MAPK10: variants seen among roughly 807,000 people sequenced by gnomAD.
MAPK10 encodes the protein mitogen-activated protein kinase 10, also known as JNK3 alpha protein kinase.
In MAPK10, 25 loss-of-function variants were observed where a neutral mutation model predicts 59.3. The observed-to-expected ratio is 0.42, with a 90% CI of 0.31 to 0.59. The LOEUF is 0.59. Among genes scored for constraint, MAPK10 ranks in the 20% least tolerant of loss-of-function variants. The pLI, the probability that MAPK10 is intolerant of heterozygous loss-of-function variation, is 0.15. For synonymous variants in MAPK10, 190 were observed against 200.5 expected, an observed-to-expected ratio of 0.95 and a Z score of 0.44; for missense variants, 351 against 568.9, an observed-to-expected ratio of 0.62 and a Z score of 3.90.
intron 2 of MAPK10, among the ~76,000 whole-genome samples, chr4:86,288,575 A>G (rs1037429522): frequency 6.6e-6 from 1 of 152,060 alleles, no homozygotes; most frequent in Admixed American, 6.6e-5. Flanking sequence ...TTGGGGAAAC[A>G]CCAGAGGTTC....
chr4:86,147,693 T>C (rs1243186383), intron 4 of MAPK10, among the ~76,000 whole-genome samples: 2 of 152,204 alleles, frequency 1.3e-5, no homozygotes, highest in Non-Finnish European at 2.9e-5. Flanking sequence ...CTTTTAAAAT[T>C]TGCCATATAT....
chr4:86,133,569 C>T (rs1580916908), intron 4 of MAPK10, among the ~76,000 whole-genome samples: 1 of 152,238 alleles, frequency 6.6e-6, no homozygotes, highest in African/African-American at 2.4e-5. Flanking sequence ...TAGAACTAAA[C>T]TACTTGACCT....
intron 1 of MAPK10, among the ~76,000 whole-genome samples, chr4:86,461,147 T>C (rs1463531098): frequency 6.6e-6 from 1 of 150,426 alleles, no homozygotes; most frequent in Non-Finnish European, 1.5e-5. Context: ...TTTTGAAATA[T>C]TTAAAGAGGT....
intron 3 of MAPK10, among the ~76,000 whole-genome samples, chr4:86,188,859 C>T (rs948157654): frequency 2.6e-5 from 4 of 151,460 alleles, no homozygotes; most frequent in Non-Finnish European, 4.4e-5. Context: ...TTTTCTTCCA[C>T]GGTTTTTACG....
intron 1 of MAPK10, among the ~76,000 whole-genome samples, chr4:86,356,043 TCACACACACACACACA>T: frequency 6.7e-6 from 1 of 149,220 alleles, no homozygotes; most frequent in African/African-American, 2.5e-5. Context: ...TTGTTTTTCT[TCACACACACACACACA>T]CACACACACA....
At chr4:86,097,964 A>G (rs924218674) in intron 9 of MAPK10, among the ~76,000 whole-genome samples, 10 of 152,192 alleles carry the variant, frequency 6.6e-5, no homozygotes, top group Admixed American at 5.2e-4. Flanking sequence ...TCACCTGACC[A>G]CTAGCAACTT....
chr4:86,095,302 T>C (rs1196135762), intron 9 of MAPK10: 1 of 151,852 alleles, frequency 6.6e-6, no homozygotes, highest in Non-Finnish European at 1.5e-5. Context: ...CAGTCATCAA[T>C]GACAATTTCA....
At chr4:86,180,113 C>T (rs1413551878) in intron 3 of MAPK10, among the ~76,000 whole-genome samples, 4 of 151,810 alleles carry the variant, frequency 2.6e-5, no homozygotes, top group Admixed American at 6.6e-5. Flanking sequence ...CCTAAATATA[C>T]AAGGAGCTCA....
intron 3 of MAPK10, among the ~76,000 whole-genome samples, chr4:86,177,604 A>T (rs2075975858): frequency 1.3e-5 from 2 of 152,102 alleles, no homozygotes; most frequent in African/African-American, 4.8e-5. Flanking sequence ...GATGTTTTTT[A>T]AATGCTCTAG....
chr4:86,047,581 A>G (rs2042742304), intron 11 of MAPK10, among the ~76,000 whole-genome samples: 1 of 152,196 alleles, frequency 6.6e-6, no homozygotes, highest in African/African-American at 2.4e-5. Context: ...AGTGTAACTA[A>G]GAAGAGTAAA....
chr4:86,159,435 A>G lies in MAPK10; in HGVS notation c.99T>C (p.Ile33=). The part of the protein sequence containing the change: ...GFDKQVDVSY[I]AKHYNMSKSK... ...TTTTGCTCATGTTGTAATGTTTGGC[A>G]ATATATGACACATCCACTTGTTTAT... The change falls in exon 4 of 14, where the codon ATT becomes ATC. Residue 33 remains isoleucine (I), a synonymous_variant. Coordinates refer to ENST00000641462, the MANE Select transcript of MAPK10 (RefSeq NM_138982.4). The G allele has an allele frequency of 6.2e-7, 1 of 1,611,580 alleles. No homozygotes were observed. The highest frequency in any genetic ancestry group is 8.5e-7 in the Non-Finnish European group (1 of 1,178,562).
chr4:86,355,284 A>G (rs1249715619), intron 1 of MAPK10, among the ~76,000 whole-genome samples: 3 of 152,060 alleles, frequency 2.0e-5, no homozygotes, highest in African/African-American at 7.2e-5. Context: ...TGGTCATCAT[A>G]CCCAAAATAG....
At chr4:86,086,070 G>A (rs1375530641) in intron 9 of MAPK10, among the ~76,000 whole-genome samples, 1 of 151,988 alleles carries the variant, frequency 6.6e-6, no homozygotes, top group African/African-American at 2.4e-5. Flanking sequence ...ATGCATGCTG[G>A]GCTTAATACC....
In MAPK10 at chr4:86,265,508, C is replaced by CA. The variant is rs529247040; in HGVS notation, c.-6-71102dup. 6.8e-3 allele frequency among the ~76,000 whole-genome samples: 778 copies of CA among 114,826 alleles called. 5 individuals carry two copies. The highest frequency in any genetic ancestry group is 0.018 in the African/African-American group (586 of 31,812). 75.3% of individuals were successfully genotyped at this position (114,826 alleles called of 152,430 possible). A position where few individuals can be genotyped will look rare whatever the true frequency, so the allele number is the denominator to read the frequency against. On this transcript the variant is annotated intron_variant, in intron 2 of 13. Transcript: ENST00000641462. ...GGGGTGACAGAGCAAGTCTCCATCT[C>CA]AAAAAAAAAAAAAAAGTATTATGAT...
At chr4:86,476,952 A>G (rs1753140647) in intron 1 of MAPK10, among the ~76,000 whole-genome samples, 1 of 152,150 alleles carries the variant, frequency 6.6e-6, no homozygotes, top group African/African-American at 2.4e-5. Context: ...GACCCCACTG[A>G]AAATCAGACT....
chr4:86,149,055 C>T (rs1421731096), intron 4 of MAPK10, among the ~76,000 whole-genome samples: 1 of 152,162 alleles, frequency 6.6e-6, no homozygotes, highest in African/African-American at 2.4e-5. Flanking sequence ...CAATAATATT[C>T]ATGACATATG....
At chr4:86,184,174 G>C (rs1000539123) in intron 3 of MAPK10, among the ~76,000 whole-genome samples, 1 of 152,078 alleles carries the variant, frequency 6.6e-6, no homozygotes, top group Non-Finnish European at 1.5e-5. Flanking sequence ...TTTGTCTTTT[G>C]TTGCCATTGC....
At chr4:86,242,730 G>C (rs1431245756) in intron 2 of MAPK10, among the ~76,000 whole-genome samples, 1 of 152,228 alleles carries the variant, frequency 6.6e-6, no homozygotes, top group African/African-American at 2.4e-5. Flanking sequence ...TGGAGCTACA[G>C]AAGTAGGTGC....
chr4:86,064,747 TG>T (rs1195632786), intron 10 of MAPK10: 1 of 186,800 alleles, frequency 5.4e-6, no homozygotes. Flanking sequence ...TGCAAATGCA[TG>T]ATGTTCAACA....
Sources: allele counts gnomAD v4.1 joint callset (sites outside exome capture counted in the v4.1 genomes callset), GRCh38; gene constraint gnomAD v4.1.1; transcripts MANE v1.5; gene names NCBI Gene and HGNC (gene_info 2026-07-23, HGNC 2026-07-21).